ANGEL2: variants seen among roughly 807,000 people sequenced by gnomAD.
ANGEL2 encodes RNA 2',3'-cyclic phosphatase ANGEL2.
Under a neutral mutation model 66.0 loss-of-function variants are expected in ANGEL2, and 41 were observed. That is an observed-to-expected ratio of 0.62 (90% CI 0.48 to 0.81). The LOEUF (loss-of-function observed/expected upper bound fraction) is 0.81, where lower values mean the gene tolerates loss of function less well. Among genes scored for constraint, ANGEL2 ranks in the 30% least tolerant of loss-of-function variants. The pLI is 0.00. For missense variants in ANGEL2, 561 were observed against 641.6 expected (o/e 0.87, Z 1.36); for synonymous variants, 208 against 226.5 (o/e 0.92, Z 0.73).
chr1:213,007,075 AGAGT>A, intron 4 of ANGEL2, 50 bp downstream of exon 4: 4 of 1,511,222 alleles, frequency 2.6e-6, no homozygotes, highest in Non-Finnish European at 3.6e-6. Flanking sequence ...GTTGGGCGAC[AGAGT>A]GAGACCCTGT....
In ANGEL2 at chr1:212,994,056, CG is replaced by C. The variant is rs1479344436; in HGVS notation, c.*984del. 1.3e-5 allele frequency: 2 copies of C among 152,096 alleles called. No homozygotes were observed. Among genetic ancestry groups the C allele is most frequent in the African/African-American group, 4.8e-5 (2 of 41,388 alleles). The allele number at this position is 152,096 out of a possible 1,614,324, so 9.4% of individuals were successfully genotyped here. A position where few individuals can be genotyped will look rare whatever the true frequency, so the allele number is the denominator to read the frequency against. ...CCAGCACTTTGAGAGCTGAGGTGGG[CG>C]GATCACCTGAGGTTGGGAGTTCGAG... On this transcript the variant is annotated 3_prime_UTR_variant, in exon 9 of 9. Coordinates refer to ENST00000366962, the MANE Select transcript of ANGEL2 (RefSeq NM_144567.5).
Position 212,997,349 on chromosome 1 carries a change from C to A in ANGEL2, c.1320-31G>T. 6 of 1,566,320 alleles carry A rather than the reference C, an allele frequency of 3.8e-6. No homozygotes were observed. In the South Asian group the frequency reaches 6.9e-5, roughly 18 times the overall value. Reference sequence around the variant, plus strand: ...TAGAAAAGAAGAAGTGTTTAGAATCCGAGTTTTTGTAACTTCAAGAATTCC... The same window carrying A: ...TAGAAAAGAAGAAGTGTTTAGAATCAGAGTTTTTGTAACTTCAAGAATTCC... On this transcript the variant is annotated intron_variant, in intron 7 of 8. Coordinates refer to ENST00000366962, the MANE Select transcript of ANGEL2 (RefSeq NM_144567.5).
In ANGEL2 at chr1:213,013,271, GAAGTATGGGT is replaced by G. The variant is rs576372106; in HGVS notation, c.197_206del (p.Tyr66SerfsTer8). On this transcript the variant is annotated frameshift_variant, in exon 2 of 9. Coordinates refer to ENST00000366962, the MANE Select transcript of ANGEL2 (RefSeq NM_144567.5). LOFTEE classifies it high-confidence loss of function. ...AATTTAGTGAAAAATGCCTACTACT[GAAGTATGGGT>G]AAGGAGCTCGAGAGTAATGTCCAGG... The G allele has an allele frequency of 5.4e-4, 878 of 1,614,010 alleles. 1 individual carries two copies. Among genetic ancestry groups the G allele is most frequent in the Non-Finnish European group, 7.1e-4 (839 of 1,180,010 alleles).
At chr1:213,008,523 T>C (rs966322805) in intron 2 of ANGEL2, 57 bp from the exon 3 acceptor site, 1 of 1,549,996 alleles carries the variant, frequency 6.5e-7, no homozygotes, top group Non-Finnish European at 8.7e-7. Context: ...CCATACAGTT[T>C]CCCACATATA....
At chr1:212,998,310 G>A (rs996698171) in intron 7 of ANGEL2, among the ~76,000 whole-genome samples, 1 of 151,778 alleles carries the variant, frequency 6.6e-6, no homozygotes, top group South Asian at 2.1e-4. Flanking sequence ...ACTAAGGTAG[G>A]AGAAAGGCTT....
intron 2 of ANGEL2, among the ~76,000 whole-genome samples, chr1:213,012,540 T>C (rs1300644295): frequency 6.6e-6 from 1 of 152,232 alleles, no homozygotes; most frequent in Non-Finnish European, 1.5e-5. Context: ...TTCTTAAAGA[T>C]AATACTTCGG....
chr1:213,015,846 T>A lies in ANGEL2; in HGVS notation c.-175A>T, dbSNP rs1027691368. On this transcript the variant is annotated 5_prime_UTR_variant, in exon 1 of 9. Transcript: ENST00000366962. ...TCGCCGGCCGGCCTACACTCCATCT[T>A]GCGCAGTCAGAGTCCCTGAATGCCT... is the stretch of plus-strand genomic sequence containing the variant. 5.4e-6 allele frequency: 4 copies of A among 743,800 alleles called. No homozygotes were observed. Among genetic ancestry groups the A allele is most frequent in the Non-Finnish European group, 8.7e-6 (4 of 459,510 alleles). 46.1% of individuals were successfully genotyped at this position (743,800 alleles called of 1,614,324 possible). A position where few individuals can be genotyped will look rare whatever the true frequency, so the allele number is the denominator to read the frequency against.
At chr1:213,005,745 A>T (rs116011573) in intron 4 of ANGEL2, among the ~76,000 whole-genome samples, 1 of 151,662 alleles carries the variant, frequency 6.6e-6, no homozygotes, top group African/African-American at 2.4e-5. Flanking sequence ...CTATTCTCTC[A>T]CTCTCTCCAC....
chr1:213,009,338 C>T (rs1223854227), intron 2 of ANGEL2, among the ~76,000 whole-genome samples: 1 of 152,076 alleles, frequency 6.6e-6, no homozygotes, highest in Non-Finnish European at 1.5e-5. Flanking sequence ...CATGCTCTTA[C>T]TGCCATGGAA....
chr1:213,013,815 A>C (rs1013817387), intron 1 of ANGEL2, among the ~76,000 whole-genome samples: 1 of 152,268 alleles, frequency 6.6e-6, no homozygotes, highest in Non-Finnish European at 1.5e-5. Flanking sequence ...TAAGGAACTC[A>C]TATCACACTA....
rs750306674 is a variant in ANGEL2, at chr1:213,005,344, G to C, written c.823C>G (p.Arg275Gly). The C allele has an allele frequency of 6.2e-7, 1 of 1,614,192 alleles. No homozygotes were observed. Among genetic ancestry groups the C allele is most frequent in the East Asian group, 2.2e-5 (1 of 44,890 alleles). Residue 275 changes from arginine to glycine, a missense_variant, in exon 5 of 9, where the codon CGC becomes GGC. Physicochemically the swap from Arg to Gly is moderately radical, Grantham distance 125. Transcript: ENST00000366962. Reference protein sequence around the residue: ...LLSVNPVEFFRPDISLLDRDN... With the variant: ...LLSVNPVEFFGPDISLLDRDN... The stretch of plus-strand genomic sequence containing the variant: ...CTGTCCAACAGAGAAATATCAGGGC[G>C]GAAGAATTCCACTGGGTTCACTGAC...
intron 2 of ANGEL2, among the ~76,000 whole-genome samples, chr1:213,008,824 A>G (rs770233889): frequency 1.3e-5 from 2 of 152,242 alleles, no homozygotes; most frequent in Non-Finnish European, 2.9e-5. Context: ...TTTTATAACT[A>G]TAACAACAAA....
chr1:213,010,759 T>C (rs1041820433), intron 2 of ANGEL2, among the ~76,000 whole-genome samples: 2 of 152,206 alleles, frequency 1.3e-5, no homozygotes, highest in Admixed American at 1.3e-4. Context: ...ACTGCCATAT[T>C]AAAATATGAA....
chr1:213,003,281 T>C (rs1364055067), intron 5 of ANGEL2, among the ~76,000 whole-genome samples: 2 of 152,266 alleles, frequency 1.3e-5, no homozygotes, highest in African/African-American at 4.8e-5. Context: ...TATGCCTTCA[T>C]ACACTGGAGT....
In ANGEL2 at chr1:213,015,476, A is replaced by C; in HGVS notation, c.59+137T>G. 3 of 1,464,340 alleles carry C rather than the reference A, an allele frequency of 2.0e-6. No individual in the cohort carries two copies. In the South Asian group the frequency reaches 4.2e-5, roughly 21 times the overall value. The allele number at this position is 1,464,340 out of a possible 1,614,324, so 90.7% of individuals were successfully genotyped here. A position where few individuals can be genotyped will look rare whatever the true frequency, so the allele number is the denominator to read the frequency against. On this transcript the variant is annotated intron_variant, in intron 1 of 8. Coordinates refer to ENST00000366962, the MANE Select transcript of ANGEL2 (RefSeq NM_144567.5). Reference sequence around the variant, plus strand: ...GTCTCTGGAGGCTCGTCCCGGATGCACCATCGCCCAGACCCTCTTCCTCTT... The same window carrying C: ...GTCTCTGGAGGCTCGTCCCGGATGCCCCATCGCCCAGACCCTCTTCCTCTT...
At position 212,997,567 on chromosome 1, in the gene ANGEL2, A is replaced by G. The variant is rs2076061054; in HGVS notation, c.1320-249T>C. ...AATTAACATACTAATGTGTTTTTTC[A>G]TTATTTATAACGTGTGAATGCCTCC... is the stretch of plus-strand genomic sequence containing the variant. On this transcript the variant is annotated intron_variant, in intron 7 of 8. Transcript: ENST00000366962. 2.0e-5 allele frequency among the ~76,000 whole-genome samples: 3 copies of G among 152,168 alleles called. No individual in the cohort carries two copies. In the South Asian group the frequency reaches 6.2e-4, roughly 31 times the overall value.
At chr1:212,996,493 A>C (rs1381538093) in intron 8 of ANGEL2, among the ~76,000 whole-genome samples, 2 of 150,650 alleles carry the variant, frequency 1.3e-5, no homozygotes, top group Non-Finnish European at 3.0e-5. Context: ...ATGGTGGCTC[A>C]TGCCTGTAGT....
intron 7 of ANGEL2, among the ~76,000 whole-genome samples, chr1:212,999,003 C>A (rs2076105871): frequency 6.6e-6 from 1 of 151,944 alleles, no homozygotes. Flanking sequence ...CCTCAGCCTA[C>A]CTGGGATTAC....
intron 1 of ANGEL2, among the ~76,000 whole-genome samples, chr1:213,014,512 T>A (rs2076588203): frequency 6.6e-6 from 1 of 152,236 alleles, no homozygotes; most frequent in Non-Finnish European, 1.5e-5. Context: ...TTGTGATAAC[T>A]CTGAAAGCCA....
Sources: gnomAD v4.1 joint callset for allele counts (sites outside exome capture counted in the v4.1 genomes callset) on GRCh38, gnomAD v4.1.1 for gene constraint, MANE v1.5 for transcripts, NCBI Gene and HGNC (gene_info 2026-07-23, HGNC 2026-07-21) for gene names.